TSHZ3: variants seen among roughly 807,000 people sequenced by gnomAD.
The protein encoded by TSHZ3 is teashirt homolog 3.
In TSHZ3, 10 loss-of-function variants were observed where a neutral mutation model predicts 64.5. The ratio of observed to expected loss-of-function variants is 0.16; its 90% CI spans 0.10 to 0.26. The LOEUF (loss-of-function observed/expected upper bound fraction) is 0.26. Ranked by LOEUF, TSHZ3 falls within the 10% of genes least tolerant of loss-of-function variation. The probability of loss-of-function intolerance (pLI) is 1.00; values close to 1 mark genes in which losing one functional copy is unlikely to be tolerated. For missense variants in TSHZ3, 1,242 were observed against 1,421.7 expected, an observed-to-expected ratio of 0.87 and a Z score of 2.03; for synonymous variants, 608 against 593.1, an observed-to-expected ratio of 1.03 and a Z score of -0.36.
At chr19:31,330,766 C>T (rs749205824) in intron 1 of TSHZ3, among the ~76,000 whole-genome samples, 24 of 151,740 alleles carry the variant, frequency 1.6e-4, no homozygotes, top group Non-Finnish European at 3.4e-4. Flanking sequence ...GCTGAGAAGG[C>T]GACCCCAGAC....
intron 1 of TSHZ3, among the ~76,000 whole-genome samples, chr19:31,331,746 CT>C (rs1225618167): frequency 6.6e-6 from 1 of 152,232 alleles, no homozygotes; most frequent in East Asian, 1.9e-4. Flanking sequence ...TCAGAGCTGT[CT>C]GGTCCAGCCG....
intron 1 of TSHZ3, among the ~76,000 whole-genome samples, chr19:31,312,156 T>C (rs1289368549): frequency 6.6e-6 from 1 of 151,708 alleles, no homozygotes; most frequent in Non-Finnish European, 1.5e-5. Flanking sequence ...ACAAAAAGAG[T>C]GTTTTGCAGG....
At chr19:31,335,803 A>G (rs541386817) in intron 1 of TSHZ3, among the ~76,000 whole-genome samples, 2 of 152,266 alleles carry the variant, frequency 1.3e-5, no homozygotes, top group East Asian at 3.9e-4. Context: ...CTCTATCCCC[A>G]AAAGGCCAGA....
intron 1 of TSHZ3, among the ~76,000 whole-genome samples, chr19:31,312,364 T>C (rs1916482294): frequency 1.3e-5 from 2 of 152,296 alleles, no homozygotes; most frequent in East Asian, 3.9e-4. Context: ...TAATTAAAAT[T>C]AAACAAAATG....
chr19:31,167,599 G>C (rs1004722234), intron 5 of TSHZ3: 2 of 152,228 alleles, frequency 1.3e-5, no homozygotes, highest in Non-Finnish European at 2.9e-5. Flanking sequence ...GGTAAAAAGG[G>C]GGTAGAAAGG....
At chr19:31,239,421 C>G (rs1975661337) in intron 3 of TSHZ3, among the ~76,000 whole-genome samples, 1 of 152,006 alleles carries the variant, frequency 6.6e-6, no homozygotes, top group Non-Finnish European at 1.5e-5. Context: ...TTTCTTTCAG[C>G]CTGAATGATA....
At chr19:31,283,880 G>C (rs1174666179) in intron 1 of TSHZ3, among the ~76,000 whole-genome samples, 1 of 152,188 alleles carries the variant, frequency 6.6e-6, no homozygotes, top group Non-Finnish European at 1.5e-5. Context: ...GGGGAGGAAA[G>C]ACTGGGTGTT....
intron 5 of TSHZ3, among the ~76,000 whole-genome samples, chr19:31,172,861 C>T (rs1289403021): frequency 6.6e-6 from 1 of 152,156 alleles, no homozygotes. Flanking sequence ...GAGGCAAAGG[C>T]CCTGGGGCAG....
rs546107129 is a variant in TSHZ3, at chr19:31,277,457, C to T, written c.2336G>A (p.Arg779His). 31 of 1,613,746 alleles carry T rather than the reference C, an allele frequency of 1.9e-5. No homozygotes were observed. The highest frequency in any genetic ancestry group is 1.7e-4 in the Middle Eastern group (1 of 6,060). ...GTCGTTGTTGACGTGGTAGAAATAG[C>T]GGTCGAGGTGGTCTGCCTTCTTGGA... ...LQSKKADHLD[R>H]YFYHVNNDQP... Residue 779 changes from arginine (R) to histidine (H), a missense_variant, in exon 2 of 2, where the codon CGC (arginine) becomes CAC (histidine). Physicochemically the swap from Arg to His is conservative, Grantham distance 29. Coordinates refer to ENST00000240587, the MANE Select transcript of TSHZ3 (RefSeq NM_020856.4). The surrounding 1 kb of genome is among the most constrained non-coding windows in gnomAD (Gnocchi z 4.5).
At chr19:31,201,455 G>A (rs1450679526) in intron 5 of TSHZ3, among the ~76,000 whole-genome samples, 2 of 152,188 alleles carry the variant, frequency 1.3e-5, no homozygotes, top group South Asian at 2.1e-4. Flanking sequence ...AATTCACTAT[G>A]TTTGACAAGT....
At chr19:31,349,809 G>T (rs1375263977), upstream of TSHZ3, among the ~76,000 whole-genome samples, 1 of 146,326 alleles carries the variant, frequency 6.8e-6, no homozygotes, top group Admixed American at 6.7e-5. Context: ...CCAGTCTTCT[G>T]CCCGTGGCGC....
chr19:31,202,096 G>A (rs938733115), intron 5 of TSHZ3, among the ~76,000 whole-genome samples: 6 of 152,150 alleles, frequency 3.9e-5, no homozygotes, highest in Non-Finnish European at 8.8e-5. Flanking sequence ...AATTCTGGAG[G>A]CGGAGGTTGC....
Position 31,278,945 on chromosome 19 carries a change from G to A in TSHZ3, c.848C>T (p.Ser283Phe). The A allele has an allele frequency of 6.2e-7, 1 of 1,614,172 alleles. No homozygotes were observed. The highest frequency in any genetic ancestry group is 8.5e-7 in the Non-Finnish European group (1 of 1,180,026). Reference sequence around the variant, plus strand: ...ACTCAAATCCTGCAGGGACTCAAAGGAGTGGCCACAGTACATGCACTTCAG... The same window carrying A: ...ACTCAAATCCTGCAGGGACTCAAAGAAGTGGCCACAGTACATGCACTTCAG... Reference protein sequence around the residue: ...KVLKCMYCGHSFESLQDLSVH... With the variant: ...KVLKCMYCGHFFESLQDLSVH... The change falls in exon 2 of 2, where the codon TCC becomes TTC. Residue 283 changes from serine to phenylalanine, a missense_variant. Physicochemically the swap from Ser to Phe is radical, Grantham distance 155. Coordinates refer to ENST00000240587, the MANE Select transcript of TSHZ3 (RefSeq NM_020856.4). This position sits in a 1 kb window ranked among gnomAD's most constrained non-coding sequence, Gnocchi z 4.7.
intron 4 of TSHZ3, among the ~76,000 whole-genome samples, chr19:31,226,206 G>A (rs893634768): frequency 6.0e-5 from 9 of 150,170 alleles, no homozygotes; most frequent in Non-Finnish European, 8.8e-5. Flanking sequence ...CCACTCTTTC[G>A]ACTCCTTCAA....
rs1466258414 is a variant in TSHZ3, at chr19:31,278,558, A to T, written c.1235T>A (p.Ile412Asn). 1.2e-6 allele frequency: 2 copies of T among 1,614,100 alleles called. No homozygotes were observed. The highest frequency in any genetic ancestry group is 1.7e-6 in the Non-Finnish European group (2 of 1,180,014). Residue 412 changes from isoleucine to asparagine, a missense_variant, in exon 2 of 2, where the codon ATC becomes AAC. This residue lies in a region of TSHZ3 where 555 missense variants were observed against 704.0 expected (regional missense o/e 0.79). Transcript: ENST00000240587. This position sits in a 1 kb window ranked among gnomAD's most constrained non-coding sequence, Gnocchi z 4.7. The part of the protein sequence containing the change: ...TAHMMVTGHF[I>N]KVTNSAMKKG... ...TTTCATAGCAGAGTTGGTGACCTTGATGAAGTGGCCAGTGACCATCATGTG... is the reference window on the plus strand; with the variant it reads ...TTTCATAGCAGAGTTGGTGACCTTGTTGAAGTGGCCAGTGACCATCATGTG...
intron 1 of TSHZ3, among the ~76,000 whole-genome samples, chr19:31,320,160 A>G (rs575751607): frequency 1.3e-5 from 2 of 152,308 alleles, no homozygotes; most frequent in East Asian, 3.9e-4. Flanking sequence ...GCCTGTGAAC[A>G]AGGACCCAAC....
At chr19:31,215,732 A>G (rs1468766042) in intron 4 of TSHZ3, among the ~76,000 whole-genome samples, 1 of 152,042 alleles carries the variant, frequency 6.6e-6, no homozygotes, top group Non-Finnish European at 1.5e-5. Context: ...TTAGCCGGGC[A>G]TAGTGGTGTG....
chr19:31,265,895 G>A (rs73927326), intron 1 of TSHZ3, among the ~76,000 whole-genome samples: 2,188 of 152,304 alleles, frequency 0.014, 57 homozygotes, highest in African/African-American at 0.05. Flanking sequence ...ACATCACTGA[G>A]CACCCATGTC....
chr19:31,254,558 A>G (rs934933110), intron 1 of TSHZ3, among the ~76,000 whole-genome samples: 1 of 152,288 alleles, frequency 6.6e-6, no homozygotes, highest in African/African-American at 2.4e-5. Flanking sequence ...TTTTGCCACA[A>G]TGGATGCATT....
Sources: gnomAD v4.1 joint callset for allele counts (sites outside exome capture counted in the v4.1 genomes callset) on GRCh38, gnomAD v4.1.1 for gene constraint, gnomAD v4.1.1 regional missense constraint, Gnocchi (gnomAD v3.1) non-coding constraint, MANE v1.5 for transcripts, NCBI Gene and HGNC (gene_info 2026-07-23, HGNC 2026-07-21) for gene names.